ZBTB44: variants seen among roughly 807,000 people sequenced by gnomAD.
ZBTB44 encodes the protein zinc finger and BTB domain-containing protein 44.
Under a neutral mutation model 54.0 loss-of-function variants are expected in ZBTB44, and 15 were observed. The observed-to-expected ratio is 0.28, with a 90% CI of 0.19 to 0.43. The LOEUF is 0.43. Among genes scored for constraint, ZBTB44 ranks in the 20% least tolerant of loss-of-function variants. The pLI, the probability that ZBTB44 is intolerant of heterozygous loss-of-function variation, is 1.00. For missense variants in ZBTB44, 487 were observed against 707.1 expected (o/e 0.69, Z 3.53); for synonymous variants, 230 against 250.1 (o/e 0.92, Z 0.76).
intron 1 of ZBTB44, among the ~76,000 whole-genome samples, chr11:130,292,773 T>G (rs908852677): frequency 6.6e-6 from 1 of 152,188 alleles, no homozygotes; most frequent in Non-Finnish European, 1.5e-5. Context: ...CAGCTCAACG[T>G]AGAAACTTCA....
chr11:130,276,704 C>T lies in ZBTB44; in HGVS notation c.-56-14775G>A, dbSNP rs534161760. 4.6e-5 allele frequency among the ~76,000 whole-genome samples: 7 copies of T among 152,266 alleles called. No homozygotes were observed. The East Asian group carries it at 1.2e-3, about 25-fold the overall frequency. On this transcript the variant is annotated intron_variant, in intron 1 of 7. Transcript: ENST00000357899. ...TCGGCCTCCCAGAGTGCTGGGATTA[C>T]AGGTGTTAGCCACTGTGCCCGGCCT...
intron 1 of ZBTB44, among the ~76,000 whole-genome samples, chr11:130,294,671 A>G (rs891471906): frequency 3.3e-5 from 5 of 152,076 alleles, no homozygotes; most frequent in Non-Finnish European, 7.4e-5. Flanking sequence ...TTTTGCAATC[A>G]GACCTTAGCG....
intron 1 of ZBTB44, among the ~76,000 whole-genome samples, chr11:130,266,988 G>A (rs1318309362): frequency 6.6e-6 from 1 of 152,110 alleles, no homozygotes; most frequent in African/African-American, 2.4e-5. Context: ...TTTTTTAGCT[G>A]GGCGCAATGG....
rs540056730 is a variant in ZBTB44, at chr11:130,291,155, G to A, written c.-57+23220C>T. ...CCTTTGTTGTTTTTTTTTTTGAGAC[G>A]GAGTCTCATTCTGTTGCCCAGGCTG... is the stretch of plus-strand genomic sequence containing the variant. On this transcript the variant is annotated intron_variant, in intron 1 of 7. Coordinates refer to ENST00000357899, the MANE Select transcript of ZBTB44 (RefSeq NM_001301098.2). Among the ~76,000 whole-genome samples, 6 of 150,854 alleles carry A rather than the reference G, an allele frequency of 4.0e-5. No homozygotes were observed. The East Asian group carries it at 5.8e-4, about 15-fold the overall frequency.
At chr11:130,295,490 G>C (rs1941586251) in intron 1 of ZBTB44, among the ~76,000 whole-genome samples, 1 of 152,162 alleles carries the variant, frequency 6.6e-6, no homozygotes, top group Non-Finnish European at 1.5e-5. Context: ...GACTCCTAAA[G>C]AAACAGAAAA....
intron 4 of ZBTB44, 27 bp downstream of exon 4, chr11:130,238,417 A>G (rs768056081): frequency 6.3e-7 from 1 of 1,589,598 alleles, no homozygotes; most frequent in South Asian, 1.1e-5. Flanking sequence ...GCGTTCACTT[A>G]CGCACCAACA....
Position 130,242,841 on chromosome 11 carries a change from T to C in ZBTB44, c.1019-2945A>G, listed in dbSNP as rs552311048. On this transcript the variant is annotated intron_variant, in intron 2 of 7. Transcript: ENST00000357899. ...TGGAAAATTCTCAGCCAACCTCTCC[T>C]CTCTCTTTAGAGCTTCCATCAAACC... Among the ~76,000 whole-genome samples, 11 of 152,348 alleles carry C rather than the reference T, an allele frequency of 7.2e-5. No individual in the cohort carries two copies. In the South Asian group the frequency reaches 2.3e-3, roughly 32 times the overall value.
At chr11:130,235,531 G>A (rs1954070706) in intron 5 of ZBTB44, among the ~76,000 whole-genome samples, 1 of 152,166 alleles carries the variant, frequency 6.6e-6, no homozygotes, top group African/African-American at 2.4e-5. Context: ...AGTCAGGGGT[G>A]GTGCCCACAC....
chr11:130,292,529 A>T (rs1941365888), intron 1 of ZBTB44, among the ~76,000 whole-genome samples: 1 of 152,240 alleles, frequency 6.6e-6, no homozygotes, highest in Admixed American at 6.5e-5. Context: ...AAAAATTAAA[A>T]AAATAAATAA....
In ZBTB44 at chr11:130,230,501, T is replaced by G. The variant is rs1342022612; in HGVS notation, c.*1263A>C. On this transcript the variant is annotated 3_prime_UTR_variant, in exon 8 of 8. Transcript: ENST00000357899. Reference sequence around the variant, plus strand: ...TCTAATTACTGTAAGCCAGAATGATTGCTGAAATGTCAAAATGTAAGATTG... The same window carrying G: ...TCTAATTACTGTAAGCCAGAATGATGGCTGAAATGTCAAAATGTAAGATTG... 6.7e-6 allele frequency: 1 copy of G among 150,000 alleles called. No individual in the cohort carries two copies. Among genetic ancestry groups the G allele is most frequent in the African/African-American group, 2.5e-5 (1 of 40,742 alleles). The allele number at this position is 150,000 out of a possible 1,614,324, so 9.3% of individuals were successfully genotyped here.
intron 2 of ZBTB44, among the ~76,000 whole-genome samples, chr11:130,241,045 G>A (rs1954341541): frequency 6.6e-6 from 1 of 152,086 alleles, no homozygotes; most frequent in African/African-American, 2.4e-5. Context: ...CAACATTGTG[G>A]ACTCATCGTT....
intron 1 of ZBTB44, among the ~76,000 whole-genome samples, chr11:130,307,127 T>C (rs931074222): frequency 6.6e-6 from 1 of 151,170 alleles, no homozygotes; most frequent in African/African-American, 2.4e-5. Flanking sequence ...AAGCCCACCA[T>C]TAACATTCTA....
chr11:130,238,383 G>T, intron 4 of ZBTB44, 61 bp downstream of exon 4: 1 of 1,439,108 alleles, frequency 6.9e-7, no homozygotes, highest in Non-Finnish European at 9.2e-7. Flanking sequence ...TTTTAACTGG[G>T]ACTGCAAAAT....
chr11:130,269,926 GAAC>G lies in ZBTB44; in HGVS notation c.-56-8000_-56-7998del, dbSNP rs1316634952. ...TATTTATTCACACTAGAAAAAGTGTGAACAAAAATTAAATGTAGATCAAATTTT... is the reference window on the plus strand; with the variant it reads ...TATTTATTCACACTAGAAAAAGTGTGAAAAATTAAATGTAGATCAAATTTT... On this transcript the variant is annotated intron_variant, in intron 1 of 7. Transcript: ENST00000357899. 2.0e-5 allele frequency among the ~76,000 whole-genome samples: 3 copies of G among 152,068 alleles called. No individual in the cohort carries two copies. The East Asian group carries it at 5.8e-4, about 29-fold the overall frequency.
intron 1 of ZBTB44, among the ~76,000 whole-genome samples, chr11:130,292,694 A>C (rs1941377377): frequency 6.6e-6 from 1 of 152,182 alleles, no homozygotes; most frequent in South Asian, 2.1e-4. Flanking sequence ...TTAAGAGTGT[A>C]ACATACACAA....
chr11:130,307,879 C>T (rs764314075), intron 1 of ZBTB44, among the ~76,000 whole-genome samples: 3 of 152,288 alleles, frequency 2.0e-5, no homozygotes, highest in African/African-American at 7.2e-5. Context: ...GTGCATGCCA[C>T]CACACTTGGC....
chr11:130,301,280 T>A (rs1050996022), intron 1 of ZBTB44, among the ~76,000 whole-genome samples: 2 of 152,202 alleles, frequency 1.3e-5, no homozygotes, highest in Non-Finnish European at 2.9e-5. Flanking sequence ...TTGGCTTTAC[T>A]CCTCTTTCAA....
chr11:130,283,807 A>C (rs1024687501), intron 1 of ZBTB44, among the ~76,000 whole-genome samples: 3 of 151,606 alleles, frequency 2.0e-5, no homozygotes, highest in Non-Finnish European at 4.4e-5. Context: ...CTCTACTAAA[A>C]ATACAAAAAA....
intron 2 of ZBTB44, among the ~76,000 whole-genome samples, chr11:130,254,609 A>C (rs1035707213): frequency 6.6e-6 from 1 of 152,170 alleles, no homozygotes; most frequent in Non-Finnish European, 1.5e-5. Context: ...AAATAGGAAC[A>C]CTTTTACACT....
Sources: gnomAD v4.1 joint callset for allele counts (sites outside exome capture counted in the v4.1 genomes callset) on GRCh38, gnomAD v4.1.1 for gene constraint, MANE v1.5 for transcripts, NCBI Gene and HGNC (gene_info 2026-07-23, HGNC 2026-07-21) for gene names.